Variants in CAMTA1 observed in about 807,000 individuals in gnomAD.
CAMTA1 encodes the protein calmodulin binding transcription activator 1.
In CAMTA1, 27 loss-of-function variants were observed where a neutral mutation model predicts 170.9. The ratio of observed to expected loss-of-function variants is 0.16; its 90% CI spans 0.12 to 0.22. The LOEUF (loss-of-function observed/expected upper bound fraction) is 0.22, where lower values mean the gene tolerates loss of function less well. Ranked by LOEUF, CAMTA1 falls within the 10% of genes least tolerant of loss-of-function variation. The pLI is 1.00. For missense variants in CAMTA1, 1,619 were observed against 2,217.2 expected, an observed-to-expected ratio of 0.73 and a Z score of 5.42; for synonymous variants, 833 against 891.5, an observed-to-expected ratio of 0.93 and a Z score of 1.17.
intron 6 of CAMTA1, among the ~76,000 whole-genome samples, chr1:7,525,576 C>T (rs902721838): frequency 2.6e-5 from 4 of 151,992 alleles, no homozygotes; most frequent in Non-Finnish European, 5.9e-5. Flanking sequence ...TTTTTCATAG[C>T]GACTCTGAGC....
intron 4 of CAMTA1, among the ~76,000 whole-genome samples, chr1:7,139,055 ATAT>A (rs1558154500): frequency 2.8e-5 from 4 of 143,076 alleles, no homozygotes; most frequent in African/African-American, 1.0e-4. Context: ...ATATATATTT[ATAT>A]TTATTATTTG....
intron 11 of CAMTA1, among the ~76,000 whole-genome samples, chr1:7,701,601 G>A (rs1383867562): frequency 2.0e-5 from 3 of 151,842 alleles, no homozygotes; most frequent in African/African-American, 4.8e-5. Context: ...AAAAAAAATT[G>A]TAGAGAGGAG....
At chr1:6,996,796 C>G (rs953792781) in intron 3 of CAMTA1, among the ~76,000 whole-genome samples, 2 of 152,140 alleles carry the variant, frequency 1.3e-5, no homozygotes, top group African/African-American at 4.8e-5. Context: ...TTCTGCCTGC[C>G]TTTGGTCTCT....
At chr1:7,727,720 A>T (rs1445494395) in intron 11 of CAMTA1, among the ~76,000 whole-genome samples, 2 of 152,258 alleles carry the variant, frequency 1.3e-5, no homozygotes, top group Non-Finnish European at 2.9e-5. Flanking sequence ...TTTGCCAAAT[A>T]TTTCACAGTG....
intron 3 of CAMTA1, among the ~76,000 whole-genome samples, chr1:6,853,412 G>A (rs142157062): frequency 6.6e-6 from 1 of 152,230 alleles, no homozygotes; most frequent in East Asian, 1.9e-4. Flanking sequence ...CATTAAAAGA[G>A]TAGTAAAATA....
intron 19 of CAMTA1, chr1:7,749,732 A>G (rs1196381642): frequency 1.5e-5 from 7 of 455,346 alleles, no homozygotes; most frequent in Non-Finnish European, 2.6e-5. Context: ...ATATTCAGCA[A>G]TGTAACATTA....
intron 3 of CAMTA1, among the ~76,000 whole-genome samples, chr1:6,997,185 G>A (rs1322470373): frequency 1.3e-5 from 2 of 152,160 alleles, no homozygotes; most frequent in Non-Finnish European, 1.5e-5. Context: ...AAAAGGATGT[G>A]CATTCTCTGT....
rs2096213908 is a variant in CAMTA1, at chr1:7,682,202, G to T, written c.2914+4469G>T. Among the ~76,000 whole-genome samples the T allele has an allele frequency of 6.6e-6, 1 of 152,216 alleles. No individual in the cohort carries two copies. Among genetic ancestry groups the T allele is most frequent in the Non-Finnish European group, 1.5e-5 (1 of 68,046 alleles). On this transcript the variant is annotated intron_variant, in intron 11 of 22. Coordinates refer to ENST00000303635, the MANE Select transcript of CAMTA1 (RefSeq NM_015215.4). The surrounding 1 kb of genome is among the most constrained non-coding windows in gnomAD (Gnocchi z 5.0). ...GGACCCTGTCATCTCAGGCAGAGCG[G>T]GGAGCATGGACTAAAAGCTCAAACT...
chr1:6,906,221 A>G (rs1273821181), intron 3 of CAMTA1, among the ~76,000 whole-genome samples: 1 of 151,960 alleles, frequency 6.6e-6, no homozygotes, highest in East Asian at 1.9e-4. Context: ...AAGATGAGGG[A>G]GGAGGGAGAA....
intron 3 of CAMTA1, among the ~76,000 whole-genome samples, chr1:6,851,177 G>A (rs1003083358): frequency 2.0e-5 from 3 of 152,134 alleles, no homozygotes; most frequent in African/African-American, 7.2e-5. Context: ...GGTAAGGTAT[G>A]TAGTATGTTT....
At chr1:7,504,813 C>A (rs547623974) in intron 6 of CAMTA1, among the ~76,000 whole-genome samples, 1 of 152,388 alleles carries the variant, frequency 6.6e-6, no homozygotes, top group Non-Finnish European at 1.5e-5. Flanking sequence ...ATGGACATCT[C>A]ACAAGTGCCT....
At chr1:7,432,325 C>G (rs2092198710) in intron 5 of CAMTA1, among the ~76,000 whole-genome samples, 2 of 152,214 alleles carry the variant, frequency 1.3e-5, no homozygotes, top group African/African-American at 4.8e-5. Flanking sequence ...CCGGAAAGTA[C>G]TGAAGTCAGG....
intron 5 of CAMTA1, among the ~76,000 whole-genome samples, chr1:7,430,828 C>A (rs910115211): frequency 6.6e-6 from 1 of 152,210 alleles, no homozygotes; most frequent in Non-Finnish European, 1.5e-5. Flanking sequence ...TTCCAAGGCT[C>A]GCCATCTGTT....
chr1:7,587,128 C>T (rs2095316904), intron 6 of CAMTA1, among the ~76,000 whole-genome samples: 2 of 152,024 alleles, frequency 1.3e-5, no homozygotes, highest in South Asian at 4.1e-4. Flanking sequence ...CCTTCCCTTC[C>T]CCACTCCCAT....
chr1:6,844,830 G>C (rs1657396803), intron 3 of CAMTA1, among the ~76,000 whole-genome samples: 2 of 151,956 alleles, frequency 1.3e-5, no homozygotes, highest in South Asian at 2.1e-4. Flanking sequence ...CATACGATCA[G>C]ATTCTAGTTT....
chr1:6,889,169 T>C (rs1319451426), intron 3 of CAMTA1, among the ~76,000 whole-genome samples: 1 of 152,232 alleles, frequency 6.6e-6, no homozygotes, highest in Non-Finnish European at 1.5e-5. Context: ...ATTTTTTACA[T>C]ACCACAAAGC....
chr1:7,764,639 A>G (rs541869787), intron 22 of CAMTA1, among the ~76,000 whole-genome samples: 2 of 152,140 alleles, frequency 1.3e-5, no homozygotes, highest in South Asian at 2.1e-4. Flanking sequence ...TTTTCACACT[A>G]TTTTCTTTCT....
At chr1:7,392,974 G>T (rs2088894419) in intron 5 of CAMTA1, among the ~76,000 whole-genome samples, 1 of 151,848 alleles carries the variant, frequency 6.6e-6, no homozygotes, top group Non-Finnish European at 1.5e-5. Flanking sequence ...GATCATTTGA[G>T]GTCAGGAGTT....
At chr1:7,134,540 T>C (rs1227177463) in intron 4 of CAMTA1, among the ~76,000 whole-genome samples, 1 of 152,108 alleles carries the variant, frequency 6.6e-6, no homozygotes, top group Non-Finnish European at 1.5e-5. Context: ...ACTCCTGGGC[T>C]CAAGTGATCC....
Sources: allele counts gnomAD v4.1 joint callset (sites outside exome capture counted in the v4.1 genomes callset), GRCh38; gene constraint gnomAD v4.1.1; non-coding constraint Gnocchi (gnomAD v3.1); transcripts MANE v1.5; gene names NCBI Gene and HGNC (gene_info 2026-07-23, HGNC 2026-07-21).